Variants in KCNQ5 observed in about 807,000 individuals in gnomAD.
KCNQ5 encodes the protein potassium voltage-gated channel subfamily Q member 5.
Under a neutral mutation model 98.2 loss-of-function variants are expected in KCNQ5, and 30 were observed. That is an observed-to-expected ratio of 0.31 (90% confidence interval 0.23 to 0.41). The LOEUF (loss-of-function observed/expected upper bound fraction) is 0.41, where lower values mean the gene tolerates loss of function less well. Ranked by LOEUF, KCNQ5 falls within the 10% of genes least tolerant of loss-of-function variation. The pLI is 1.00. For synonymous variants in KCNQ5, 458 were observed against 449.4 expected (o/e 1.02, Z -0.24); for missense variants, 835 against 1,182.5 (o/e 0.71, Z 4.31).
chr6:73,099,802 A>G (rs1774684991), intron 5 of KCNQ5, among the ~76,000 whole-genome samples: 1 of 152,182 alleles, frequency 6.6e-6, no homozygotes, highest in Admixed American at 6.5e-5. Context: ...AGAAACATCA[A>G]ACTTAATCTG....
chr6:72,632,614 G>T (rs1027426169), intron 1 of KCNQ5, among the ~76,000 whole-genome samples: 2 of 152,020 alleles, frequency 1.3e-5, no homozygotes, highest in African/African-American at 4.8e-5. Context: ...AGTGTATATT[G>T]TTCCCATGTT....
At chr6:72,765,220 T>C (rs1465258435) in intron 1 of KCNQ5, among the ~76,000 whole-genome samples, 1 of 152,074 alleles carries the variant, frequency 6.6e-6, no homozygotes, top group Non-Finnish European at 1.5e-5. Context: ...GTGGTTGTAC[T>C]AATTTACATT....
intron 1 of KCNQ5, among the ~76,000 whole-genome samples, chr6:72,925,456 CA>C (rs1483568832): frequency 6.6e-6 from 1 of 152,222 alleles, no homozygotes; most frequent in Non-Finnish European, 1.5e-5. Context: ...AATAGATCCA[CA>C]AATATTCATT....
intron 13 of KCNQ5, among the ~76,000 whole-genome samples, chr6:73,192,969 T>C (rs1765647929): frequency 6.6e-6 from 1 of 152,026 alleles, no homozygotes; most frequent in Non-Finnish European, 1.5e-5. Context: ...CAAAGATCTA[T>C]TCTTCATTTG....
intron 10 of KCNQ5, among the ~76,000 whole-genome samples, chr6:73,151,078 T>TAG (rs1300647784): frequency 6.6e-6 from 1 of 152,170 alleles, no homozygotes; most frequent in Non-Finnish European, 1.5e-5. Flanking sequence ...GGAAACTGAA[T>TAG]AGAGGGTACA....
intron 3 of KCNQ5, among the ~76,000 whole-genome samples, chr6:73,046,626 T>TTATTTTATTTTATTG (rs1771973842): frequency 6.9e-6 from 1 of 145,660 alleles, no homozygotes; most frequent in Non-Finnish European, 1.5e-5. Context: ...TTATTTTATT[T>TTATTTTATTTTATTG]TATTTTATTT....
chr6:72,968,659 A>C (rs550419367), intron 1 of KCNQ5, among the ~76,000 whole-genome samples: 1 of 152,354 alleles, frequency 6.6e-6, no homozygotes, highest in South Asian at 2.1e-4. Flanking sequence ...TATTCTTATA[A>C]TCCAGAGATA....
intron 7 of KCNQ5, among the ~76,000 whole-genome samples, chr6:73,117,500 A>G (rs1388573834): frequency 6.6e-6 from 1 of 152,194 alleles, no homozygotes; most frequent in Non-Finnish European, 1.5e-5. Context: ...AAAATCTTTA[A>G]TTTTCTCAGA....
intron 1 of KCNQ5, among the ~76,000 whole-genome samples, chr6:72,854,422 G>C (rs924978198): frequency 1.6e-5 from 2 of 128,056 alleles, no homozygotes; most frequent in African/African-American, 5.5e-5. Context: ...AGATTATGTA[G>C]CTTTATTAGA....
intron 1 of KCNQ5, among the ~76,000 whole-genome samples, chr6:72,744,391 C>A (rs1295581451): frequency 6.6e-6 from 1 of 152,174 alleles, no homozygotes; most frequent in African/African-American, 2.4e-5. Flanking sequence ...ATCTACTTCT[C>A]ATCTATTGAG....
intron 1 of KCNQ5, among the ~76,000 whole-genome samples, chr6:72,976,073 CA>C (rs1247888038): frequency 6.6e-6 from 1 of 151,974 alleles, no homozygotes; most frequent in African/African-American, 2.4e-5. Flanking sequence ...CCAAGGTTAA[CA>C]AAAAAATAGC....
intron 1 of KCNQ5, among the ~76,000 whole-genome samples, chr6:72,829,939 AC>A (rs1459400185): frequency 6.6e-6 from 1 of 152,164 alleles, no homozygotes; most frequent in African/African-American, 2.4e-5. Flanking sequence ...CACACCAATA[AC>A]AGACAAACAG....
chr6:72,752,766 T>C (rs1185156334), intron 1 of KCNQ5, among the ~76,000 whole-genome samples: 1 of 152,134 alleles, frequency 6.6e-6, no homozygotes, highest in Non-Finnish European at 1.5e-5. Context: ...ATTTCTGTCC[T>C]AATAACCTAT....
At chr6:73,177,194 G>A (rs1052320177) in intron 11 of KCNQ5, among the ~76,000 whole-genome samples, 4 of 152,156 alleles carry the variant, frequency 2.6e-5, no homozygotes, top group African/African-American at 4.8e-5. Context: ...CTGTGACTTC[G>A]GAGAAAAATT....
intron 1 of KCNQ5, among the ~76,000 whole-genome samples, chr6:72,667,571 C>T (rs1200299649): frequency 2.0e-5 from 3 of 152,000 alleles, no homozygotes; most frequent in Non-Finnish European, 2.9e-5. Flanking sequence ...AAGTATTTCA[C>T]CCAAGATATT....
chr6:73,089,793 G>A (rs892309189), intron 5 of KCNQ5, among the ~76,000 whole-genome samples: 1 of 151,346 alleles, frequency 6.6e-6, no homozygotes, highest in African/African-American at 2.4e-5. Context: ...ATATACCACA[G>A]TTTCTTTATC....
chr6:72,631,813 T>C (rs557543250), intron 1 of KCNQ5, among the ~76,000 whole-genome samples: 1 of 152,182 alleles, frequency 6.6e-6, no homozygotes, highest in South Asian at 2.1e-4. Context: ...AATAAAGTTA[T>C]AGAGAAGAAG....
intron 1 of KCNQ5, among the ~76,000 whole-genome samples, chr6:72,821,945 G>A (rs1483450861): frequency 1.3e-5 from 2 of 152,008 alleles, no homozygotes. Context: ...CTCTGCATTA[G>A]CCTCTGATCA....
chr6:73,085,207 C>T (rs1773933280), intron 5 of KCNQ5, among the ~76,000 whole-genome samples: 1 of 152,158 alleles, frequency 6.6e-6, no homozygotes, highest in African/African-American at 2.4e-5. Context: ...AAAAAATTAA[C>T]ATCTTTTTAT....
Sources: gnomAD v4.1 joint callset for allele counts (sites outside exome capture counted in the v4.1 genomes callset) on GRCh38, gnomAD v4.1.1 for gene constraint, MANE v1.5 for transcripts, NCBI Gene and HGNC (gene_info 2026-07-23, HGNC 2026-07-21) for gene names.